USP6NL: variants seen among roughly 807,000 people sequenced by gnomAD.
USP6NL encodes the protein USP6 N-terminal-like protein.
Under a neutral mutation model 61.9 loss-of-function variants are expected in USP6NL, and 26 were observed. That is an observed-to-expected ratio of 0.42 (90% CI 0.31 to 0.58). USP6NL has a LOEUF of 0.58. Among genes scored for constraint, USP6NL ranks in the 20% least tolerant of loss-of-function variants. USP6NL has a pLI of 0.16. For synonymous variants in USP6NL, 432 were observed against 390.1 expected (o/e 1.11, Z -1.27); for missense variants, 1,114 against 1,034.3 (o/e 1.08, Z -1.06).
rs1051432729 is a variant in USP6NL, at chr10:11,491,620, C to T, written c.495-740G>A. Among the ~76,000 whole-genome samples, 7 of 152,262 alleles carry T rather than the reference C, an allele frequency of 4.6e-5. No homozygotes were observed. Among genetic ancestry groups the T allele is most frequent in the Admixed American group, 2.6e-4 (4 of 15,294 alleles). On this transcript the variant is annotated intron_variant, in intron 8 of 14. Coordinates refer to ENST00000609104, the MANE Select transcript of USP6NL (RefSeq NM_014688.5). This position sits in a 1 kb window ranked among gnomAD's most constrained non-coding sequence, Gnocchi z 4.7. The stretch of plus-strand genomic sequence containing the variant: ...TGGGCTGGGGGGATTATCCTGATTA[C>T]TAAGGGGAACATGGGTTGCTATGAC...
At chr10:11,568,530 G>A (rs902648795) in intron 2 of USP6NL, among the ~76,000 whole-genome samples, 3 of 152,156 alleles carry the variant, frequency 2.0e-5, no homozygotes, top group African/African-American at 7.2e-5. Flanking sequence ...ACAGAACAAA[G>A]TACTTTGTAA....
At chr10:11,473,159 C>T (rs1832825639) in intron 14 of USP6NL, among the ~76,000 whole-genome samples, 1 of 152,190 alleles carries the variant, frequency 6.6e-6, no homozygotes, top group South Asian at 2.1e-4. Flanking sequence ...CCAAAAACTG[C>T]CTCAGGCTAA....
intron 2 of USP6NL, among the ~76,000 whole-genome samples, chr10:11,582,079 C>A (rs1489782251): frequency 6.6e-6 from 1 of 152,222 alleles, no homozygotes; most frequent in Non-Finnish European, 1.5e-5. Context: ...ATTCTCCTGC[C>A]ACAGCCTCCC....
intron 2 of USP6NL, among the ~76,000 whole-genome samples, chr10:11,543,844 G>T (rs1035591441): frequency 8.9e-6 from 1 of 112,038 alleles, no homozygotes; most frequent in Admixed American, 1.4e-4. Flanking sequence ...ATGGAGTCTC[G>T]CTGTGTCACC....
Position 11,611,049 on chromosome 10 carries a change from C to A in USP6NL, c.-84+394G>T, listed in dbSNP as rs1258590269. On this transcript the variant is annotated intron_variant, in intron 1 of 14. Transcript: ENST00000609104. This position sits in a 1 kb window ranked among gnomAD's most constrained non-coding sequence, Gnocchi z 5.3. The stretch of plus-strand genomic sequence containing the variant: ...CGGCATCAAGGCAGTCATTTAAAGG[C>A]ACGAAGTTTGCCCGGGTCCTGCCCA... Among the ~76,000 whole-genome samples, 1 of 152,210 alleles carries A rather than the reference C, an allele frequency of 6.6e-6. No individual in the cohort carries two copies.
chr10:11,469,975 C>CTGAATAGTGTAA (rs959839072), intron 14 of USP6NL, among the ~76,000 whole-genome samples: 1 of 152,218 alleles, frequency 6.6e-6, no homozygotes, highest in African/African-American at 2.4e-5. Context: ...CCTAACACCT[C>CTGAATAGTGTAA]TGAATAGTGT....
Position 11,462,423 on chromosome 10 carries a change from G to C in USP6NL, c.*18C>G, listed in dbSNP as rs746035168. 1.7e-5 allele frequency: 28 copies of C among 1,604,944 alleles called. No homozygotes were observed. Among genetic ancestry groups the C allele is most frequent in the Non-Finnish European group, 2.2e-5 (26 of 1,175,470 alleles). ...TCACGTGGTTTCTCTCTCGTCTTTA[G>C]CAAGTACACGTCAAATCTCACAGCA... On this transcript the variant is annotated 3_prime_UTR_variant, in exon 15 of 15. Transcript: ENST00000609104.
At position 11,509,584 on chromosome 10, in the gene USP6NL, T is replaced by A. The variant is rs1250026141; in HGVS notation, c.276+11A>T. ...TATAGTTTCATATGGAAAAACATGA[T>A]TTTAAATTACCTTTTCAGTGTTCTT... On this transcript the variant is annotated intron_variant, in intron 6 of 14. Transcript: ENST00000609104. 6.5e-7 allele frequency: 1 copy of A among 1,539,678 alleles called. No individual in the cohort carries two copies. The highest frequency in any genetic ancestry group is 1.2e-5 in the South Asian group (1 of 80,572).
In USP6NL at chr10:11,575,594, C is replaced by T. The variant is rs1411841396; in HGVS notation, c.4+22037G>A. Among the ~76,000 whole-genome samples the T allele has an allele frequency of 6.6e-6, 1 of 152,212 alleles. No individual in the cohort carries two copies. On this transcript the variant is annotated intron_variant, in intron 2 of 14. Coordinates refer to ENST00000609104, the MANE Select transcript of USP6NL (RefSeq NM_014688.5). This position sits in a 1 kb window ranked among gnomAD's most constrained non-coding sequence, Gnocchi z 4.2. Reference sequence around the variant, plus strand: ...ATTTCAATCATCATCTTCCTTATCTCACTGGTATTATCACTGGTTTTGAAA... The same window carrying T: ...ATTTCAATCATCATCTTCCTTATCTTACTGGTATTATCACTGGTTTTGAAA...
chr10:11,534,411 G>A (rs1835762152), intron 2 of USP6NL, among the ~76,000 whole-genome samples: 1 of 152,176 alleles, frequency 6.6e-6, no homozygotes, highest in African/African-American at 2.4e-5. Flanking sequence ...TAACATTGCC[G>A]CAGGCCAAAA....
chr10:11,589,250 T>C lies in USP6NL; in HGVS notation c.4+8381A>G, dbSNP rs905068504. Among the ~76,000 whole-genome samples the C allele has an allele frequency of 1.4e-4, 21 of 152,220 alleles. No homozygotes were observed. Among genetic ancestry groups the C allele is most frequent in the African/African-American group, 4.8e-4 (20 of 41,470 alleles). ...CATTATAGTGGTCTGAATTAACCAC[T>C]TAGCATGTAAATTTCTGTTATATTA... On this transcript the variant is annotated intron_variant, in intron 2 of 14. Coordinates refer to ENST00000609104, the MANE Select transcript of USP6NL (RefSeq NM_014688.5). The surrounding 1 kb of genome is among the most constrained non-coding windows in gnomAD (Gnocchi z 4.7).
rs1382710526 is a variant in USP6NL at position 11,595,063 on chromosome 10, T to A, written c.4+2568A>T. 6.6e-6 allele frequency among the ~76,000 whole-genome samples: 1 copy of A among 152,144 alleles called. No homozygotes were observed. Among genetic ancestry groups the A allele is most frequent in the African/African-American group, 2.4e-5 (1 of 41,452 alleles). The stretch of plus-strand genomic sequence containing the variant: ...CAGACTACTCAGAAGCTGATTTTTT[T>A]AAAAGAATCTGAAGTGGGAAGTAAG... On this transcript the variant is annotated intron_variant, in intron 2 of 14. Transcript: ENST00000609104. The surrounding 1 kb of genome is among the most constrained non-coding windows in gnomAD (Gnocchi z 5.3).
At chr10:11,601,637 A>G (rs1345920219) in intron 1 of USP6NL, among the ~76,000 whole-genome samples, 2 of 152,270 alleles carry the variant, frequency 1.3e-5, no homozygotes, top group Non-Finnish European at 2.9e-5. Context: ...AACCACATAT[A>G]TAAAGGGGTT....
intron 14 of USP6NL, among the ~76,000 whole-genome samples, chr10:11,475,396 C>T (rs1040189256): frequency 6.6e-6 from 1 of 151,444 alleles, no homozygotes; most frequent in African/African-American, 2.4e-5. Context: ...AGTTCGAGAC[C>T]AGTCTGACCA....
In USP6NL at chr10:11,544,482, TTC is replaced by T. The variant is rs566086866; in HGVS notation, c.5-16917_5-16916del. 6.6e-5 allele frequency among the ~76,000 whole-genome samples: 10 copies of T among 152,276 alleles called. No homozygotes were observed. In the South Asian group the frequency reaches 1.2e-3, roughly 19 times the overall value. On this transcript the variant is annotated intron_variant, in intron 2 of 14. Coordinates refer to ENST00000609104, the MANE Select transcript of USP6NL (RefSeq NM_014688.5). ...TGCATTTATAACAGTAATCTAAATT[TTC>T]TCTCTTTTCTTTTTTTTTTTAAGAC...
Position 11,462,678 on chromosome 10 carries a change from T to C in USP6NL, c.2250A>G (p.Gln750=), listed in dbSNP as rs1384708049. 4 of 1,613,990 alleles carry C rather than the reference T, an allele frequency of 2.5e-6. No homozygotes were observed. The highest frequency in any genetic ancestry group is 1.3e-5 in the African/African-American group (1 of 75,030). ...CACGGCTAGCATCTCGGGTCCATGA[T>C]TGTCCCTGCGTCTCAGGTCTGTATG... The part of the protein sequence containing the change: ...SYTYRPETQG[Q]SWTRDASRGN... The change falls in exon 15 of 15, where the codon CAA becomes CAG. Residue 750 remains glutamine, a synonymous_variant. Transcript: ENST00000609104.
rs2096211709 is a variant in USP6NL at position 11,460,764 on chromosome 10, G to T, written c.*1677C>A. ...GGTTTATTACAAGTCACAGAATTAT[G>T]GTTATATAATGGGAATTAATATCCT... On this transcript the variant is annotated 3_prime_UTR_variant, in exon 15 of 15. Coordinates refer to ENST00000609104, the MANE Select transcript of USP6NL (RefSeq NM_014688.5). The T allele has an allele frequency of 6.6e-6, 1 of 151,466 alleles. No individual in the cohort carries two copies. Among genetic ancestry groups the T allele is most frequent in the Non-Finnish European group, 1.5e-5 (1 of 67,796 alleles). 9.4% of individuals were successfully genotyped at this position (151,466 alleles called of 1,614,324 possible).
At chr10:11,556,178 A>T (rs1836700072) in intron 2 of USP6NL, among the ~76,000 whole-genome samples, 1 of 152,210 alleles carries the variant, frequency 6.6e-6, no homozygotes, top group Admixed American at 6.5e-5. Flanking sequence ...AAATGGAGTT[A>T]ACTACCTTGA....
At chr10:11,580,154 C>T (rs1228982510) in intron 2 of USP6NL, among the ~76,000 whole-genome samples, 3 of 152,192 alleles carry the variant, frequency 2.0e-5, no homozygotes, top group Non-Finnish European at 4.4e-5. Context: ...GACCATGTCC[C>T]TCATGGATGG....
Sources: allele counts gnomAD v4.1 joint callset (sites outside exome capture counted in the v4.1 genomes callset), GRCh38; gene constraint gnomAD v4.1.1; non-coding constraint Gnocchi (gnomAD v3.1); transcripts MANE v1.5; gene names NCBI Gene and HGNC (gene_info 2026-07-23, HGNC 2026-07-21).